DIPK2B: variants seen among roughly 807,000 people sequenced by gnomAD.
DIPK2B encodes UPF0672 protein CXorf36.
A neutral mutation model predicts 22.2 loss-of-function variants in DIPK2B; 15 were observed. The observed-to-expected ratio is 0.68, with a 90% CI of 0.45 to 1.04. DIPK2B has a LOEUF of 1.04. Ranked by LOEUF, DIPK2B falls within the 50% of genes least tolerant of loss-of-function variation. The pLI, the probability that DIPK2B is intolerant of heterozygous loss-of-function variation, is 0.00. For missense variants in DIPK2B, 345 were observed against 348.3 expected (o/e 0.99, Z 0.08); for synonymous variants, 163 against 153.2 (o/e 1.06, Z -0.47).
Position 45,191,871 on chromosome X carries a change from G to T in DIPK2B, c.378C>A (p.Asp126Glu). ...LVSKYQNEIS[D>E]RRICASASAP... ...CTGATGCAGAGGCACAGATTCTCCT[G>T]TCTGAGATCTCGTTTTGATATTTGC... is the stretch of plus-strand genomic sequence containing the variant. The change falls in exon 2 of 5, where the codon GAC becomes GAA. Residue 126 changes from aspartate to glutamate, a missense_variant. Physicochemically the swap from Asp to Glu is conservative, Grantham distance 45. Transcript: ENST00000398000. The T allele has an allele frequency of 8.3e-7, 1 of 1,212,083 alleles. No individual in the cohort carries two copies. The highest frequency in any genetic ancestry group is 1.1e-6 in the Non-Finnish European group (1 of 895,568).
At position 45,157,827 on chromosome X, in the gene DIPK2B, C is replaced by T; in HGVS notation, c.560G>A (p.Arg187His). Residue 187 changes from arginine to histidine, a missense_variant, in exon 3 of 5, where the codon CGC (arginine) becomes CAC (histidine). By Grantham distance (29) the Arg-to-His change is conservative (BLOSUM62 0). Transcript: ENST00000398000. ...GCCGGCGTCGGCCACCTCTGCATAG[C>T]GCCTGACCACGCGATCCAGGAGTCG... ...SQRLLDRVVR[R>H]YAEVADAGSI... The T allele has an allele frequency of 8.5e-7, 1 of 1,171,503 alleles. No homozygotes were observed. Among genetic ancestry groups the T allele is most frequent in the South Asian group, 1.9e-5 (1 of 52,713 alleles).
intron 2 of DIPK2B, among the ~76,000 whole-genome samples, chrX:45,184,794 C>G (rs777301666): frequency 2.6e-4 from 29 of 112,188 alleles, no homozygotes; most frequent in African/African-American, 9.4e-4. Context: ...TTCCTCTGAG[C>G]AGTGATTTGG....
In DIPK2B at chrX:45,151,365, C is replaced by T. The variant is rs2046960200; in HGVS notation, c.*287G>A. On this transcript the variant is annotated 3_prime_UTR_variant, in exon 5 of 5. Coordinates refer to ENST00000398000, the MANE Select transcript of DIPK2B (RefSeq NM_176819.4). Reference sequence around the variant, plus strand: ...TGGTGGCTCCATCTGTGTCTTCTTTCACCCTCAGGAGAGTCTGGTGGAGAA... The same window carrying T: ...TGGTGGCTCCATCTGTGTCTTCTTTTACCCTCAGGAGAGTCTGGTGGAGAA... 8.6e-6 allele frequency: 3 copies of T among 347,255 alleles called. No homozygotes were observed. The highest frequency in any genetic ancestry group is 1.5e-5 in the Non-Finnish European group (3 of 200,465). 28.6% of individuals were successfully genotyped at this position (347,255 alleles called of 1,213,427 possible).
intron 2 of DIPK2B, among the ~76,000 whole-genome samples, chrX:45,190,698 CA>C (rs1324039290): frequency 2.7e-5 from 3 of 111,892 alleles, no homozygotes; most frequent in Non-Finnish European, 5.6e-5. Flanking sequence ...GTGGCAGATA[CA>C]AAACTCAACC....
At chrX:45,177,488 CT>C (rs1483063795) in intron 2 of DIPK2B, among the ~76,000 whole-genome samples, 1 of 108,607 alleles carries the variant, frequency 9.2e-6, no homozygotes, top group African/African-American at 3.4e-5. Flanking sequence ...AGCCTGCCAC[CT>C]CCTCCCTCCC....
At chrX:45,184,698 T>A (rs2047172214) in intron 2 of DIPK2B, among the ~76,000 whole-genome samples, 1 of 112,062 alleles carries the variant, frequency 8.9e-6, no homozygotes, top group African/African-American at 3.2e-5. Flanking sequence ...TATGCGTTTT[T>A]AATATCTTTT....
chrX:45,168,474 G>T lies in DIPK2B; in HGVS notation c.499-10586C>A, dbSNP rs919576867. On this transcript the variant is annotated intron_variant, in intron 2 of 4. Transcript: ENST00000398000. ...TTCCTTGCAACAGAAAGCCTGTCTCGTAGGCCTACAGTTTCTATGGAAGAC... is the reference window on the plus strand; with the variant it reads ...TTCCTTGCAACAGAAAGCCTGTCTCTTAGGCCTACAGTTTCTATGGAAGAC... 4.4e-5 allele frequency among the ~76,000 whole-genome samples: 5 copies of T among 112,544 alleles called. No individual in the cohort carries two copies. The East Asian group carries it at 1.4e-3, about 32-fold the overall frequency.
intron 1 of DIPK2B, among the ~76,000 whole-genome samples, chrX:45,197,853 C>T (rs1364448691): frequency 8.9e-6 from 1 of 111,815 alleles, no homozygotes; most frequent in African/African-American, 3.2e-5. Flanking sequence ...GAATTCGTCA[C>T]TCATGTGCAC....
chrX:45,189,929 T>A (rs2047202509), intron 2 of DIPK2B, among the ~76,000 whole-genome samples: 1 of 111,805 alleles, frequency 8.9e-6, no homozygotes, highest in Admixed American at 9.5e-5. Flanking sequence ...AAAGTAAAAA[T>A]TTTTCTGGTT....
At chrX:45,154,321 G>GTCTA (rs1240270568) in intron 3 of DIPK2B, 123 bp from the exon 4 acceptor site, 5 of 401,997 alleles carry the variant, frequency 1.2e-5, no homozygotes, top group Non-Finnish European at 1.9e-5. Flanking sequence ...CTATCTATCT[G>GTCTA]TCTATCTATA....
chrX:45,168,907 T>A (rs990710651), intron 2 of DIPK2B, among the ~76,000 whole-genome samples: 1 of 112,221 alleles, frequency 8.9e-6, no homozygotes, highest in African/African-American at 3.2e-5. Context: ...AACAACCATG[T>A]CACTGAAAGT....
chrX:45,163,220 A>G, intron 2 of DIPK2B: 1 of 215,952 alleles, frequency 4.6e-6, no homozygotes, highest in Non-Finnish European at 6.8e-6. Flanking sequence ...TGCAAACTAC[A>G]GCATCAGCTC....
chrX:45,200,349 G>A (rs1460112844), intron 1 of DIPK2B, among the ~76,000 whole-genome samples: 1 of 112,045 alleles, frequency 8.9e-6, no homozygotes, highest in Non-Finnish European at 1.9e-5. Context: ...TCCATTCATA[G>A]GAAAGAAAAC....
intron 2 of DIPK2B, among the ~76,000 whole-genome samples, chrX:45,165,101 A>G (rs2047041235): frequency 9.0e-6 from 1 of 111,375 alleles, no homozygotes; most frequent in African/African-American, 3.3e-5. Context: ...CTGGAAAGGT[A>G]GGTCTGATGG....
At chrX:45,192,343 C>T (rs1430553261) in intron 1 of DIPK2B, among the ~76,000 whole-genome samples, 1 of 111,396 alleles carries the variant, frequency 9.0e-6, no homozygotes, top group Non-Finnish European at 1.9e-5. Context: ...TTTGATTCCC[C>T]TAATCCCCAA....
At chrX:45,192,631 A>C (rs994073903) in intron 1 of DIPK2B, among the ~76,000 whole-genome samples, 2 of 111,462 alleles carry the variant, frequency 1.8e-5, no homozygotes, top group African/African-American at 3.3e-5. Context: ...TAGTCTAAAA[A>C]TTTAAGTCTT....
chrX:45,179,119 G>A (rs943521856), intron 2 of DIPK2B, among the ~76,000 whole-genome samples: 3 of 111,195 alleles, frequency 2.7e-5, no homozygotes, highest in African/African-American at 9.8e-5. Context: ...TGTCACAACT[G>A]GGGGGTTGTG....
At chrX:45,160,440 C>T (rs2047017101) in intron 2 of DIPK2B, among the ~76,000 whole-genome samples, 2 of 111,036 alleles carry the variant, frequency 1.8e-5, no homozygotes, top group Non-Finnish European at 3.8e-5. Context: ...GAACTCCTGA[C>T]CTCAGGTGAA....
At chrX:45,198,966 C>T (rs1195422424) in intron 1 of DIPK2B, among the ~76,000 whole-genome samples, 1 of 111,413 alleles carries the variant, frequency 9.0e-6, no homozygotes, top group African/African-American at 3.3e-5. Context: ...CCCCTGCCAA[C>T]ACCACCAGTC....
Sources: allele counts gnomAD v4.1 joint callset (sites outside exome capture counted in the v4.1 genomes callset), GRCh38; gene constraint gnomAD v4.1.1; transcripts MANE v1.5; gene names NCBI Gene and HGNC (gene_info 2026-07-23, HGNC 2026-07-21).